The following USP28 variants were observed in gnomAD, a reference collection of about 807,000 sequenced individuals.
USP28 encodes the protein ubiquitin specific peptidase 28.
Under a neutral mutation model 145.0 loss-of-function variants are expected in USP28, and 113 were observed. The ratio of observed to expected loss-of-function variants is 0.78; its 90% CI spans 0.67 to 0.91. USP28 has a LOEUF of 0.91. Among genes scored for constraint, USP28 ranks in the 40% least tolerant of loss-of-function variants. The pLI is 0.00. For missense variants in USP28, 1,201 were observed against 1,289.6 expected, an observed-to-expected ratio of 0.93 and a Z score of 1.05; for synonymous variants, 447 against 450.9, an observed-to-expected ratio of 0.99 and a Z score of 0.11.
intron 1 of USP28, among the ~76,000 whole-genome samples, chr11:113,867,803 G>A (rs186828193): frequency 6.7e-6 from 1 of 149,798 alleles, no homozygotes; most frequent in East Asian, 2.0e-4. Context: ...AAGAAGGAAG[G>A]GGGGAGGGAG....
chr11:113,818,774 T>A (rs1053700050), intron 12 of USP28, among the ~76,000 whole-genome samples: 1 of 151,846 alleles, frequency 6.6e-6, no homozygotes, highest in Non-Finnish European at 1.5e-5. Flanking sequence ...GGCAGGAGGA[T>A]CGCTTGAGCC....
At chr11:113,804,811 A>G in intron 20 of USP28, 57 bp downstream of exon 21, 2 of 1,611,442 alleles carry the variant, frequency 1.2e-6, no homozygotes, top group Non-Finnish European at 1.7e-6. Context: ...TCCCCAACAG[A>G]GGAGTCCATC....
At chr11:113,871,118 C>T (rs896628535) in intron 1 of USP28, among the ~76,000 whole-genome samples, 3 of 152,154 alleles carry the variant, frequency 2.0e-5, no homozygotes, top group Non-Finnish European at 4.4e-5. Context: ...TGCTTGTTTC[C>T]TTGGTATAAA....
intron 1 of USP28, among the ~76,000 whole-genome samples, chr11:113,867,270 ACTT>A (rs1948366311): frequency 6.6e-6 from 1 of 151,478 alleles, no homozygotes; most frequent in Non-Finnish European, 1.5e-5. Flanking sequence ...GTACACTTGA[ACTT>A]TTTTTTTTTG....
chr11:113,818,133 CATTT>C (rs796665858), intron 12 of USP28: 77 of 255,418 alleles, frequency 3.0e-4, no homozygotes, highest in African/African-American at 1.2e-3. Context: ...AGGCTTTGGT[CATTT>C]ATTTATTTTT....
chr11:113,869,160 C>T (rs1168241708), intron 1 of USP28, among the ~76,000 whole-genome samples: 2 of 152,034 alleles, frequency 1.3e-5, no homozygotes, highest in Non-Finnish European at 2.9e-5. Flanking sequence ...AGGCTGGGTT[C>T]GGTGGCTCAC....
At chr11:113,836,288 C>T (rs7924995) in intron 5 of USP28, among the ~76,000 whole-genome samples, 5 of 152,106 alleles carry the variant, frequency 3.3e-5, no homozygotes, top group African/African-American at 1.2e-4. Context: ...TAGTAAGTAA[C>T]AAGTCCCTTG....
intron 13 of USP28, among the ~76,000 whole-genome samples, chr11:113,816,461 T>C (rs183452474): frequency 1.3e-5 from 2 of 152,146 alleles, no homozygotes; most frequent in African/African-American, 4.8e-5. Flanking sequence ...TGCAGTGAGC[T>C]GAGATCATGC....
At chr11:113,827,360 G>A (rs1290357499) in exon 11 of USP28, 24 of 1,590,562 alleles carry the variant, frequency 1.5e-5, no homozygotes, top group Non-Finnish European at 1.8e-5. Context: ...GTAAACCAAC[G>A]CTAGTGTCAA....
At chr11:113,808,119 G>C in intron 18 of USP28, 2 of 1,503,684 alleles carry the variant, frequency 1.3e-6, no homozygotes, top group Non-Finnish European at 1.8e-6. Flanking sequence ...TGGGCTTCTT[G>C]GGTTCAGCTT....
At chr11:113,845,341 C>A (rs1945703104) in intron 3 of USP28, among the ~76,000 whole-genome samples, 1 of 151,132 alleles carries the variant, frequency 6.6e-6, no homozygotes, top group Non-Finnish European at 1.5e-5. Context: ...GGGGCTGAGG[C>A]ACGAGAATCA....
exon 24 of USP28, chr11:113,801,496 C>T (rs898549495): frequency 3.8e-6 from 6 of 1,579,932 alleles, no homozygotes; most frequent in Non-Finnish European, 5.2e-6. Context: ...CAATATCTTG[C>T]CCAAGGTAAG....
intron 1 of USP28, among the ~76,000 whole-genome samples, chr11:113,872,059 T>C (rs1948871044): frequency 6.6e-6 from 1 of 152,234 alleles, no homozygotes; most frequent in African/African-American, 2.4e-5. Context: ...TGTTAAGTTC[T>C]GAGCACCGAG....
At chr11:113,850,934 A>G (rs1482453493) in intron 3 of USP28, among the ~76,000 whole-genome samples, 1 of 152,120 alleles carries the variant, frequency 6.6e-6, no homozygotes, top group Admixed American at 6.6e-5. Context: ...CAAATTTAGT[A>G]TTCCCCAAAC....
intron 1 of USP28, among the ~76,000 whole-genome samples, chr11:113,869,530 G>GCA (rs1948614531): frequency 6.6e-6 from 1 of 152,164 alleles, no homozygotes; most frequent in Admixed American, 6.5e-5. Context: ...GGTCAAGGCT[G>GCA]CAGTGAGCCT....
rs935679009 is a variant in USP28 at position 113,867,827 on chromosome 11, G to C, written c.57+7618C>G. 2.1e-5 allele frequency among the ~76,000 whole-genome samples: 3 copies of C among 140,294 alleles called. No homozygotes were observed. In the Admixed American group the frequency reaches 2.2e-4, roughly 10 times the overall value. The allele number at this position is 140,294 out of a possible 152,430, so 92.0% of individuals were successfully genotyped here. ...GGGGGGAGGGAGGGAGGGAGGAAGG[G>C]AGGGAGGAAGAAAGGGAGGAAGGGA... On this transcript the variant is annotated intron_variant, in intron 1 of 24. Coordinates refer to ENST00000003302, the Ensembl canonical transcript of USP28.
intron 3 of USP28, among the ~76,000 whole-genome samples, chr11:113,851,834 T>G (rs1946487423): frequency 1.4e-5 from 1 of 73,064 alleles, no homozygotes; most frequent in South Asian, 5.7e-4. Flanking sequence ...TCCCCAGCAC[T>G]CTTTTTTTCA....
chr11:113,818,511 C>A (rs1200111964), intron 12 of USP28, among the ~76,000 whole-genome samples: 1 of 152,126 alleles, frequency 6.6e-6, no homozygotes, highest in Non-Finnish European at 1.5e-5. Context: ...ACAATACTTA[C>A]ACTAAATCCC....
At chr11:113,855,193 T>A (rs1338234379) in intron 1 of USP28, among the ~76,000 whole-genome samples, 6 of 152,222 alleles carry the variant, frequency 3.9e-5, no homozygotes, top group Non-Finnish European at 7.3e-5. Flanking sequence ...ATGTTTTCTC[T>A]TCATTAACCT....
Sources: allele counts gnomAD v4.1 joint callset (sites outside exome capture counted in the v4.1 genomes callset), GRCh38; gene constraint gnomAD v4.1.1; transcripts MANE v1.5; gene names NCBI Gene and HGNC (gene_info 2026-07-23, HGNC 2026-07-21).